The following CSMD1 variants were observed in gnomAD, a reference collection of about 807,000 sequenced individuals.
CSMD1 encodes CUB and sushi domain-containing protein 1.
Under a neutral mutation model 417.5 loss-of-function variants are expected in CSMD1, and 213 were observed. The ratio of observed to expected loss-of-function variants is 0.51; its 90% CI spans 0.46 to 0.57. CSMD1 has a LOEUF of 0.57. CSMD1 is among the 20% of genes least tolerant of loss of function. The pLI is 0.00. For synonymous variants in CSMD1, 2,862 were observed against 1,736.8 expected, an observed-to-expected ratio of 1.65 and a Z score of -16.11; for missense variants, 6,923 against 4,529.7, an observed-to-expected ratio of 1.53 and a Z score of -15.17.
chr8:4,968,290 A>C (rs1373390553), intron 1 of CSMD1, among the ~76,000 whole-genome samples: 1 of 152,114 alleles, frequency 6.6e-6, no homozygotes, highest in Non-Finnish European at 1.5e-5. Flanking sequence ...TTCACCAGTT[A>C]TAAGTGTACA....
chr8:3,241,185 G>C (rs1416722745), intron 26 of CSMD1, among the ~76,000 whole-genome samples: 3 of 151,606 alleles, frequency 2.0e-5, no homozygotes, highest in Non-Finnish European at 4.4e-5. Flanking sequence ...AAGTGTCTCG[G>C]CCTAATAAGG....
chr8:4,333,271 C>A (rs10108270), intron 3 of CSMD1, among the ~76,000 whole-genome samples: 67,239 of 151,904 alleles, frequency 0.44, 19,323 homozygotes, highest in African/African-American at 0.82. Context: ...CCAATCCTGA[C>A]GCTAAGTCCT....
At chr8:3,609,867 G>C (rs894853864) in intron 8 of CSMD1, among the ~76,000 whole-genome samples, 8 of 121,906 alleles carry the variant, frequency 6.6e-5, no homozygotes, top group Non-Finnish European at 9.6e-5. Context: ...CCCCCAGGCT[G>C]AAGTGAAGTG....
intron 2 of CSMD1, among the ~76,000 whole-genome samples, chr8:4,447,545 T>C (rs192803810): frequency 3.7e-4 from 57 of 152,298 alleles, no homozygotes; most frequent in African/African-American, 1.3e-3. Flanking sequence ...ACTCTACAGA[T>C]AACAGAGTAA....
intron 1 of CSMD1, among the ~76,000 whole-genome samples, chr8:4,761,121 C>A (rs556196904): frequency 1.8e-4 from 27 of 151,958 alleles, no homozygotes; most frequent in African/African-American, 6.5e-4. Context: ...AGTGAATATG[C>A]AAAAGAGTCT....
intron 54 of CSMD1, among the ~76,000 whole-genome samples, chr8:2,991,257 G>A (rs1020061820): frequency 3.9e-5 from 6 of 152,128 alleles, no homozygotes; most frequent in African/African-American, 1.4e-4. Flanking sequence ...TAATACACAT[G>A]GCACTCTGAT....
At chr8:3,138,509 T>A (rs1818240570) in intron 41 of CSMD1, among the ~76,000 whole-genome samples, 1 of 152,234 alleles carries the variant, frequency 6.6e-6, no homozygotes, top group East Asian at 1.9e-4. Context: ...TTGGTGGGAA[T>A]GCTCGTGACC....
intron 7 of CSMD1, among the ~76,000 whole-genome samples, chr8:3,701,248 G>A (rs1003607551): frequency 1.3e-5 from 2 of 152,140 alleles, no homozygotes; most frequent in African/African-American, 4.8e-5. Flanking sequence ...AGTCCATTCT[G>A]GAATTGGATC....
chr8:3,994,803 C>A (rs539309849), intron 5 of CSMD1, among the ~76,000 whole-genome samples: 1 of 152,168 alleles, frequency 6.6e-6, no homozygotes, highest in Non-Finnish European at 1.5e-5. Context: ...TAATTTCACT[C>A]CAAATTAAAT....
chr8:3,445,245 T>A (rs988888784), intron 12 of CSMD1, among the ~76,000 whole-genome samples: 1 of 152,208 alleles, frequency 6.6e-6, no homozygotes, highest in Admixed American at 6.5e-5. Context: ...TGGGTTACGT[T>A]CTCTGGGTTT....
chr8:3,026,920 G>A (rs1157639191), intron 51 of CSMD1, among the ~76,000 whole-genome samples: 1 of 152,134 alleles, frequency 6.6e-6, no homozygotes, highest in Non-Finnish European at 1.5e-5. Flanking sequence ...CTAGACTTCT[G>A]TACTCTGATG....
At chr8:3,867,523 T>G (rs754214210) in intron 5 of CSMD1, among the ~76,000 whole-genome samples, 2 of 152,204 alleles carry the variant, frequency 1.3e-5, no homozygotes, top group East Asian at 3.8e-4. Context: ...TGTTTTAATG[T>G]GTCCCAGACA....
intron 3 of CSMD1, among the ~76,000 whole-genome samples, chr8:4,264,996 C>T (rs1804149889): frequency 6.6e-6 from 1 of 152,116 alleles, no homozygotes; most frequent in African/African-American, 2.4e-5. Context: ...TTAAGAAGCA[C>T]TTATCAATAT....
chr8:3,956,480 T>C (rs1811955742), intron 5 of CSMD1, among the ~76,000 whole-genome samples: 1 of 152,152 alleles, frequency 6.6e-6, no homozygotes, highest in Non-Finnish European at 1.5e-5. Context: ...TCCACGTACA[T>C]TCCTAAAGAG....
Position 4,655,249 on chromosome 8 carries a change from T to A in CSMD1, c.86-17691A>T, listed in dbSNP as rs1804153710. Among the ~76,000 whole-genome samples, 3 of 152,160 alleles carry A rather than the reference T, an allele frequency of 2.0e-5. No homozygotes were observed. In the South Asian group the frequency reaches 6.2e-4, roughly 32 times the overall value. ...CAAATCTTACCTTGGTTGCTAAAATTGAATAGAACCCTCCCCCTGGGGTCA... is the reference window on the plus strand; with the variant it reads ...CAAATCTTACCTTGGTTGCTAAAATAGAATAGAACCCTCCCCCTGGGGTCA... On this transcript the variant is annotated intron_variant, in intron 1 of 69. Transcript: ENST00000635120.
At chr8:4,076,811 G>C (rs1799845639) in intron 3 of CSMD1, among the ~76,000 whole-genome samples, 1 of 152,050 alleles carries the variant, frequency 6.6e-6, no homozygotes, top group Non-Finnish European at 1.5e-5. Flanking sequence ...CATCACGCAA[G>C]GCCAGCCATG....
chr8:4,854,016 A>G (rs963492344), intron 1 of CSMD1, among the ~76,000 whole-genome samples: 5 of 152,064 alleles, frequency 3.3e-5, no homozygotes, highest in Non-Finnish European at 5.9e-5. Flanking sequence ...ACACAATTGT[A>G]TCTTGGAAGT....
At chr8:3,781,193 A>C (rs533026195) in intron 5 of CSMD1, among the ~76,000 whole-genome samples, 24 of 152,306 alleles carry the variant, frequency 1.6e-4, no homozygotes, top group Admixed American at 8.5e-4. Context: ...TCACAGTACA[A>C]AGTGATAATT....
intron 5 of CSMD1, among the ~76,000 whole-genome samples, chr8:3,811,391 CTATAGACCATG>C (rs1285763396): frequency 1.3e-5 from 2 of 152,160 alleles, no homozygotes; most frequent in African/African-American, 4.8e-5. Flanking sequence ...TTGTTCTGAT[CTATAGACCATG>C]TAGTAAGGCA....
Sources: allele counts gnomAD v4.1 joint callset (sites outside exome capture counted in the v4.1 genomes callset), GRCh38; gene constraint gnomAD v4.1.1; transcripts MANE v1.5; gene names NCBI Gene and HGNC (gene_info 2026-07-23, HGNC 2026-07-21).